Variants in LAMA2 observed in about 807,000 individuals in gnomAD.
LAMA2 encodes laminin subunit alpha 2.
In LAMA2, 269 loss-of-function variants were observed where a neutral mutation model predicts 364.8. The observed-to-expected ratio is 0.74, with a 90% CI of 0.67 to 0.82. The LOEUF (loss-of-function observed/expected upper bound fraction) is 0.82. Ranked by LOEUF, LAMA2 falls within the 40% of genes least tolerant of loss-of-function variation. LAMA2 has a pLI of 0.00. For synonymous variants in LAMA2, 1,379 were observed against 1,370.6 expected, an observed-to-expected ratio of 1.01 and a Z score of -0.14; for missense variants, 3,807 against 3,873.2, an observed-to-expected ratio of 0.98 and a Z score of 0.45.
At chr6:129,223,391 C>T (rs1417892463) in intron 12 of LAMA2, among the ~76,000 whole-genome samples, 2 of 152,112 alleles carry the variant, frequency 1.3e-5, no homozygotes. Flanking sequence ...CCTTGCTTTT[C>T]GTGTTTTAGA....
intron 1 of LAMA2, among the ~76,000 whole-genome samples, chr6:129,018,229 G>T (rs1381864346): frequency 6.6e-6 from 1 of 151,876 alleles, no homozygotes; most frequent in African/African-American, 2.4e-5. Flanking sequence ...TTTAGAAAAA[G>T]ACATTAAAAA....
In LAMA2 at chr6:129,361,916, C is replaced by T. The variant is rs536573359; in HGVS notation, c.4718-4303C>T. Among the ~76,000 whole-genome samples the T allele has an allele frequency of 1.1e-3, 165 of 151,088 alleles. 1 individual carries two copies. The highest frequency in any genetic ancestry group is 3.8e-3 in the African/African-American group (157 of 41,160). On this transcript the variant is annotated intron_variant, in intron 32 of 64. Coordinates refer to ENST00000421865, the MANE Select transcript of LAMA2 (RefSeq NM_000426.4). ...ACTCCTCCCTCAGCCTCCCGAGTAG[C>T]GGGACTAGAGGCACATGCCACCACA...
intron 1 of LAMA2, among the ~76,000 whole-genome samples, chr6:128,902,229 G>A (rs1777133510): frequency 6.6e-6 from 1 of 152,210 alleles, no homozygotes; most frequent in Non-Finnish European, 1.5e-5. Context: ...AATTCAAGAT[G>A]AGATTTTGTG....
intron 58 of LAMA2, among the ~76,000 whole-genome samples, chr6:129,495,705 A>G (rs751346000): frequency 6.6e-6 from 1 of 152,096 alleles, no homozygotes; most frequent in Non-Finnish European, 1.5e-5. Flanking sequence ...GTACTTACAC[A>G]AACTGCATTT....
At chr6:129,015,328 G>A (rs1023805849) in intron 1 of LAMA2, among the ~76,000 whole-genome samples, 4 of 151,964 alleles carry the variant, frequency 2.6e-5, no homozygotes, top group Non-Finnish European at 2.9e-5. Flanking sequence ...ATATGATCAC[G>A]GTAGAAGAGC....
rs1344926247 is a variant in LAMA2, at chr6:129,454,251, A to G, written c.6670A>G (p.Ile2224Val). 1.2e-6 allele frequency: 2 copies of G among 1,612,236 alleles called. No individual in the cohort carries two copies. Among genetic ancestry groups the G allele is most frequent in the Admixed American group, 1.7e-5 (1 of 59,954 alleles). The change falls in exon 47 of 65, where the codon ATT becomes GTT. Residue 2224 changes from isoleucine (I) to valine (V), a missense_variant. Physicochemically the swap from Ile to Val is conservative, Grantham distance 29. Around this residue, in one of 3 missense-constraint regions of LAMA2, gnomAD observed 3,333 missense variants for 3,345.7 expected, o/e 1.00. Transcript: ENST00000421865. ...ACGTGTAGAGTACCCAGATTTGACT[A>G]TTGATGACTCATATTGGTACCGTAT... is the stretch of plus-strand genomic sequence containing the variant. ...VGRVEYPDLT[I>V]DDSYWYRIVA...
chr6:129,140,765 G>A (rs1778078247), intron 4 of LAMA2, among the ~76,000 whole-genome samples: 1 of 152,046 alleles, frequency 6.6e-6, no homozygotes, highest in African/African-American at 2.4e-5. Context: ...CAAAACGGTG[G>A]AAGGAAGCTG....
At chr6:129,358,238 T>TAGA (rs1777263394) in intron 32 of LAMA2, among the ~76,000 whole-genome samples, 1 of 152,000 alleles carries the variant, frequency 6.6e-6, no homozygotes, top group East Asian at 1.9e-4. Context: ...GAATGGCAAC[T>TAGA]ATCACCGTGA....
chr6:129,299,335 G>T (rs1351948828), intron 21 of LAMA2, among the ~76,000 whole-genome samples: 1 of 151,980 alleles, frequency 6.6e-6, no homozygotes, highest in African/African-American at 2.4e-5. Flanking sequence ...ACCACACATG[G>T]TTTTTGTTAC....
chr6:129,450,086 G>A (rs1332098278), intron 45 of LAMA2, among the ~76,000 whole-genome samples: 3 of 151,694 alleles, frequency 2.0e-5, no homozygotes, highest in Non-Finnish European at 4.4e-5. Flanking sequence ...TTACAGGCGT[G>A]AGCCACTGCA....
intron 17 of LAMA2, among the ~76,000 whole-genome samples, chr6:129,277,732 T>C (rs890795199): frequency 1.4e-4 from 21 of 152,198 alleles, no homozygotes; most frequent in Non-Finnish European, 4.4e-5. Flanking sequence ...GAAAATGTGA[T>C]AAAATTGTAA....
Position 129,515,360 on chromosome 6 carries a change from A to G in LAMA2, c.9211+765A>G, listed in dbSNP as rs972966705. Among the ~76,000 whole-genome samples the G allele has an allele frequency of 2.0e-5, 3 of 152,354 alleles. No individual in the cohort carries two copies. In the East Asian group the frequency reaches 5.8e-4, roughly 29 times the overall value. On this transcript the variant is annotated intron_variant, in intron 64 of 64. Coordinates refer to ENST00000421865, the MANE Select transcript of LAMA2 (RefSeq NM_000426.4). ...GTTGATAGAAATGCAATGGGGGCCCAACGACAGCTCCTCTTTCCAAAGTGG... is the reference window on the plus strand; with the variant it reads ...GTTGATAGAAATGCAATGGGGGCCCGACGACAGCTCCTCTTTCCAAAGTGG...
At chr6:128,957,369 G>A (rs1562868963) in intron 1 of LAMA2, among the ~76,000 whole-genome samples, 1 of 152,118 alleles carries the variant, frequency 6.6e-6, no homozygotes, top group Non-Finnish European at 1.5e-5. Flanking sequence ...GTAGTCAGTT[G>A]GGGTTTGATA....
rs370103046 is a variant in LAMA2, at chr6:129,175,523, C to G, written c.1307-2183C>G. ...TTGCTTCATAAATTGAATTACATAG[C>G]TCTCCATTTTTATATGACCATAAGA... On this transcript the variant is annotated intron_variant, in intron 9 of 64. Coordinates refer to ENST00000421865, the MANE Select transcript of LAMA2 (RefSeq NM_000426.4). Among the ~76,000 whole-genome samples the G allele has an allele frequency of 8.5e-5, 13 of 152,328 alleles. No individual in the cohort carries two copies. In the South Asian group the frequency reaches 2.5e-3, roughly 29 times the overall value.
chr6:128,983,916 G>A (rs1433868499), intron 1 of LAMA2, among the ~76,000 whole-genome samples: 1 of 152,154 alleles, frequency 6.6e-6, no homozygotes, highest in African/African-American at 2.4e-5. Flanking sequence ...TTTGGATCAG[G>A]TCAAGGTATG....
intron 15 of LAMA2, 28 bp downstream of exon 15, chr6:129,260,850 G>A: frequency 7.5e-7 from 1 of 1,330,738 alleles, no homozygotes; most frequent in Non-Finnish European, 1.1e-6. Context: ...TATCCTTAGT[G>A]CTTTCAAAGT....
chr6:129,336,050 A>G (rs1358994862), intron 29 of LAMA2, among the ~76,000 whole-genome samples: 2 of 152,242 alleles, frequency 1.3e-5, no homozygotes, highest in Admixed American at 6.5e-5. Context: ...AGGTTTTATA[A>G]AGGAAAATAA....
At chr6:129,278,173 G>A (rs555732497) in intron 17 of LAMA2, among the ~76,000 whole-genome samples, 2 of 152,258 alleles carry the variant, frequency 1.3e-5, no homozygotes, top group East Asian at 3.9e-4. Context: ...CTGCACTCCA[G>A]TCTGGGCAAC....
At position 129,460,337 on chromosome 6, in the gene LAMA2, G is replaced by C. The variant is rs543187404; in HGVS notation, c.6992+13G>C. On this transcript the variant is annotated intron_variant, in intron 49 of 64. Transcript: ENST00000421865. ...GATGCACTGTCAGGTTAGTTGAGAT[G>C]AGAACTCTCCCAGGGTCTGTCCTGT... 29 of 1,611,362 alleles carry C rather than the reference G, an allele frequency of 1.8e-5. No individual in the cohort carries two copies. The East Asian group carries it at 6.3e-4, about 35-fold the overall frequency.
Sources: allele counts gnomAD v4.1 joint callset (sites outside exome capture counted in the v4.1 genomes callset), GRCh38; gene constraint gnomAD v4.1.1; regional missense constraint gnomAD v4.1.1; transcripts MANE v1.5; gene names NCBI Gene and HGNC (gene_info 2026-07-23, HGNC 2026-07-21).